The following ALPL variants were observed in gnomAD, a reference collection of about 807,000 sequenced individuals.
ALPL encodes alkaline phosphatase, tissue-nonspecific isozyme.
In ALPL, 42 loss-of-function variants were observed where a neutral mutation model predicts 51.3. The observed-to-expected ratio is 0.82, with a 90% confidence interval of 0.64 to 1.06. The LOEUF (loss-of-function observed/expected upper bound fraction) is 1.06. Among genes scored for constraint, ALPL ranks in the 50% least tolerant of loss-of-function variants. The probability of loss-of-function intolerance (pLI) is 0.00; values close to 1 mark genes in which losing one functional copy is unlikely to be tolerated. For synonymous variants in ALPL, 279 were observed against 296.4 expected (o/e 0.94, Z 0.60); for missense variants, 589 against 709.4 (o/e 0.83, Z 1.93).
intron 1 of ALPL, among the ~76,000 whole-genome samples, chr1:21,535,835 G>C (rs1442662912): frequency 6.6e-6 from 1 of 152,166 alleles, no homozygotes; most frequent in Non-Finnish European, 1.5e-5. Flanking sequence ...AGTAGCACTG[G>C]GCCCAGGCAG....
intron 7 of ALPL, among the ~76,000 whole-genome samples, chr1:21,569,093 C>G (rs1037019760): frequency 1.3e-5 from 2 of 152,056 alleles, no homozygotes; most frequent in Non-Finnish European, 2.9e-5. Context: ...GGGCCAAGAA[C>G]GAGGTGGGGG....
At chr1:21,523,277 C>T (rs1643902012) in intron 1 of ALPL, among the ~76,000 whole-genome samples, 2 of 152,026 alleles carry the variant, frequency 1.3e-5, no homozygotes, top group African/African-American at 2.4e-5. Flanking sequence ...CCAGACTGGG[C>T]GACAGAGCGA....
chr1:21,574,079 A>T, intron 9 of ALPL: 1 of 985,408 alleles, frequency 1.0e-6, no homozygotes, highest in Non-Finnish European at 1.2e-6. Context: ...TTTCTTGGGG[A>T]CCTGGCCCTG....
At chr1:21,558,144 G>A (rs1257322953) in intron 2 of ALPL, among the ~76,000 whole-genome samples, 3 of 152,240 alleles carry the variant, frequency 2.0e-5, no homozygotes, top group Non-Finnish European at 4.4e-5. Context: ...GACAGGCCCT[G>A]GGTGGCTCTG....
At chr1:21,543,962 G>C (rs1036280268) in intron 1 of ALPL, among the ~76,000 whole-genome samples, 5 of 152,198 alleles carry the variant, frequency 3.3e-5, no homozygotes. Flanking sequence ...GAAGGCCCCC[G>C]GCTGAGCTGA....
chr1:21,516,271 A>G (rs1643798276), intron 1 of ALPL, among the ~76,000 whole-genome samples: 1 of 152,054 alleles, frequency 6.6e-6, no homozygotes. Flanking sequence ...AGGAGTTACT[A>G]ACTGACCCGT....
At position 21,573,739 on chromosome 1, in the gene ALPL, G is replaced by C. The variant is rs552250079; in HGVS notation, c.937G>C (p.Val313Leu). The C allele has an allele frequency of 2.5e-6, 4 of 1,614,142 alleles. No individual in the cohort carries two copies. In the Admixed American group the frequency reaches 6.7e-5, roughly 27 times the overall value. The change falls in exon 9 of 12, where the codon GTG becomes CTG. Residue 313 changes from valine to leucine, a missense_variant. Val to Leu is a conservative substitution (Grantham distance 32). Transcript: ENST00000374840. The part of the protein sequence containing the change: ...NVTDPSLSEM[V>L]VVAIQILRKN... Reference sequence around the variant, plus strand: ...GACGGACCCGTCACTCTCCGAGATGGTGGTGGTGGCCATCCAGATCCTGCG... The same window carrying C: ...GACGGACCCGTCACTCTCCGAGATGCTGGTGGTGGCCATCCAGATCCTGCG...
At chr1:21,527,538 T>C (rs909499893) in intron 1 of ALPL, among the ~76,000 whole-genome samples, 2 of 152,006 alleles carry the variant, frequency 1.3e-5, no homozygotes, top group Admixed American at 6.6e-5. Flanking sequence ...GTAACTTTTA[T>C]TAGCCTTTAA....
intron 1 of ALPL, among the ~76,000 whole-genome samples, chr1:21,537,191 C>T (rs775372087): frequency 1.3e-5 from 2 of 152,120 alleles, no homozygotes; most frequent in Non-Finnish European, 2.9e-5. Context: ...CCACCGTGCC[C>T]GGCCAGGTTC....
Position 21,564,190 on chromosome 1 carries a change from C to T in ALPL, c.622C>T (p.Leu208Phe). 6.2e-7 allele frequency: 1 copy of T among 1,614,012 alleles called. No homozygotes were observed. Among genetic ancestry groups the T allele is most frequent in the South Asian group, 1.1e-5 (1 of 91,084 alleles). The change falls in exon 6 of 12, where the codon CTC becomes TTC. Residue 208 changes from leucine to phenylalanine, a missense_variant. Coordinates refer to ENST00000374840, the MANE Select transcript of ALPL (RefSeq NM_000478.6). The surrounding 1 kb of genome is among the most constrained non-coding windows in gnomAD (Gnocchi z 5.8). ...GGGCTGTAAGGACATCGCCTACCAGCTCATGCATAACATCAGGGACATTGA... is the reference window on the plus strand; with the variant it reads ...GGGCTGTAAGGACATCGCCTACCAGTTCATGCATAACATCAGGGACATTGA... ...SQGCKDIAYQ[L>F]MHNIRDIDVI...
At chr1:21,565,013 C>G (rs1051360435) in intron 6 of ALPL, among the ~76,000 whole-genome samples, 9 of 152,184 alleles carry the variant, frequency 5.9e-5, no homozygotes, top group African/African-American at 2.2e-4. Context: ...TTATTGCCTA[C>G]TGTGGGGGAC....
At chr1:21,576,218 TGATGGATGGATGGATG>T (rs371658562) in intron 10 of ALPL, among the ~76,000 whole-genome samples, 1 of 142,402 alleles carries the variant, frequency 7.0e-6, no homozygotes, top group African/African-American at 2.6e-5. Context: ...GATGGATGGA[TGATGGATGGATGGATG>T]GATGGATGGA....
intron 7 of ALPL, among the ~76,000 whole-genome samples, chr1:21,569,997 C>T (rs1309395069): frequency 6.6e-6 from 1 of 152,202 alleles, no homozygotes; most frequent in African/African-American, 2.4e-5. Context: ...TGACCCTAGG[C>T]TGTTCAATTC....
At chr1:21,544,560 T>C (rs1041987815) in intron 1 of ALPL, among the ~76,000 whole-genome samples, 1 of 152,060 alleles carries the variant, frequency 6.6e-6, no homozygotes. Flanking sequence ...CTGGGCAACA[T>C]GGTGAAACCC....
chr1:21,564,262 C>A lies in ALPL; in HGVS notation c.648+46C>A, dbSNP rs1463920990. On this transcript the variant is annotated intron_variant, in intron 6 of 11. Coordinates refer to ENST00000374840, the MANE Select transcript of ALPL (RefSeq NM_000478.6). This position sits in a 1 kb window ranked among gnomAD's most constrained non-coding sequence, Gnocchi z 5.8. Reference sequence around the variant, plus strand: ...GGGCAGGGACGGGGTGAGGCGGGGCCTCTGGTGGGCAGGAGGCCTCAGGCC... The same window carrying A: ...GGGCAGGGACGGGGTGAGGCGGGGCATCTGGTGGGCAGGAGGCCTCAGGCC... 5.0e-6 allele frequency: 8 copies of A among 1,606,486 alleles called. No individual in the cohort carries two copies. The highest frequency in any genetic ancestry group is 6.8e-6 in the Non-Finnish European group (8 of 1,177,368).
chr1:21,517,554 G>A lies in ALPL; in HGVS notation c.-105+8037G>A, dbSNP rs567878266. Among the ~76,000 whole-genome samples, 301 of 152,222 alleles carry A rather than the reference G, an allele frequency of 2.0e-3. 2 individuals carry two copies. The highest frequency in any genetic ancestry group is 6.9e-3 in the African/African-American group (287 of 41,556). The stretch of plus-strand genomic sequence containing the variant: ...TAGACACACCTGGTGGGGCACCAGC[G>A]TCTGTTCTCCCAGACAGTGTTTCTT... On this transcript the variant is annotated intron_variant, in intron 1 of 11. Coordinates refer to ENST00000374840, the MANE Select transcript of ALPL (RefSeq NM_000478.6).
chr1:21,512,285 C>A (rs1386417041), intron 1 of ALPL, among the ~76,000 whole-genome samples: 1 of 152,150 alleles, frequency 6.6e-6, no homozygotes, highest in African/African-American at 2.4e-5. Context: ...AGGTTCATTC[C>A]CAGCACTGCC....
At chr1:21,556,450 G>A (rs1412367886) in intron 2 of ALPL, among the ~76,000 whole-genome samples, 1 of 151,056 alleles carries the variant, frequency 6.6e-6, no homozygotes, top group Non-Finnish European at 1.5e-5. Flanking sequence ...AGGACAGCCT[G>A]GGCAACATAG....
At chr1:21,563,715 A>G (rs897988352) in intron 5 of ALPL, among the ~76,000 whole-genome samples, 2 of 152,194 alleles carry the variant, frequency 1.3e-5, no homozygotes, top group Admixed American at 1.3e-4. Context: ...CAAGGCCAAC[A>G]TACAGGTGAC....
Sources: allele counts gnomAD v4.1 joint callset (sites outside exome capture counted in the v4.1 genomes callset), GRCh38; gene constraint gnomAD v4.1.1; non-coding constraint Gnocchi (gnomAD v3.1); transcripts MANE v1.5; gene names NCBI Gene and HGNC (gene_info 2026-07-23, HGNC 2026-07-21).